ADCY9: variants seen among roughly 807,000 people sequenced by gnomAD.
The protein encoded by ADCY9 is adenylate cyclase type 9.
A neutral mutation model predicts 101.5 loss-of-function variants in ADCY9; 50 were observed. The observed-to-expected ratio is 0.49, with a 90% CI of 0.39 to 0.62. The LOEUF (loss-of-function observed/expected upper bound fraction) is 0.62, where lower values mean the gene tolerates loss of function less well. Ranked by LOEUF, ADCY9 falls within the 20% of genes least tolerant of loss-of-function variation. The pLI is 0.00. For missense variants in ADCY9, 1,662 were observed against 1,800.4 expected (o/e 0.92, Z 1.39); for synonymous variants, 905 against 769.3 (o/e 1.18, Z -2.92).
intron 6 of ADCY9, among the ~76,000 whole-genome samples, chr16:3,984,378 A>G (rs1041487272): frequency 3.3e-5 from 5 of 152,164 alleles, no homozygotes; most frequent in African/African-American, 4.8e-5. Context: ...GGGCCAGTAC[A>G]CTAGAGAGGC....
chr16:4,106,423 G>A (rs1381279950), intron 2 of ADCY9, among the ~76,000 whole-genome samples: 7 of 152,096 alleles, frequency 4.6e-5, no homozygotes, highest in South Asian at 4.2e-4. Flanking sequence ...ACCGGTGCCT[G>A]GCCACTTCCC....
chr16:3,972,693 C>T (rs2540034), intron 10 of ADCY9, among the ~76,000 whole-genome samples: 64,748 of 152,084 alleles, frequency 0.43, 15,955 homozygotes, highest in Non-Finnish European at 0.57. Context: ...ACCAGCCAAA[C>T]GTGGCTTCGG....
intron 2 of ADCY9, among the ~76,000 whole-genome samples, chr16:4,041,712 T>G (rs928637453): frequency 1.3e-5 from 2 of 151,520 alleles, no homozygotes; most frequent in Non-Finnish European, 2.9e-5. Flanking sequence ...TGATGATTCA[T>G]GAGTCTAAAC....
Position 3,965,957 on chromosome 16 carries a change from C to T in ADCY9, c.3880G>A (p.Gly1294Ser), listed in dbSNP as rs776569230. The stretch of plus-strand genomic sequence containing the variant: ...TTGGCCTGCGTGCTGCTGTCAGAAC[C>T]CAGAGATGTCTTGTCCACATACTGG... ...SVQYVDKTSL[G>S]SDSSTQAKDA... The change falls in exon 11 of 11, where the codon GGT becomes AGT. Residue 1294 changes from glycine (G) to serine (S), a missense_variant. Transcript: ENST00000294016. The T allele has an allele frequency of 1.9e-5, 30 of 1,614,058 alleles. No individual in the cohort carries two copies. The Admixed American group carries it at 4.8e-4, about 26-fold the overall frequency.
intron 2 of ADCY9, among the ~76,000 whole-genome samples, chr16:4,107,550 CAAAAAAAAAAAAAAAA>C (rs61565312): frequency 2.7e-5 from 2 of 72,844 alleles, no homozygotes; most frequent in Admixed American, 1.5e-4. Context: ...GACTCTGTCT[CAAAAAAAAAAAAAAAA>C]AAAAAAAAAA....
chr16:3,985,989 C>G (rs902359509), intron 6 of ADCY9, among the ~76,000 whole-genome samples: 4 of 136,134 alleles, frequency 2.9e-5, no homozygotes, highest in African/African-American at 1.1e-4. Context: ...TGGGCGAAAC[C>G]CAGGGACAGT....
At position 4,114,013 on chromosome 16, in the gene ADCY9, C is replaced by G; in HGVS notation, c.1430G>C (p.Cys477Ser). ...LGMIKAIEQF[C>S]QEKKEMVNMR... ...GTTCACCATCTCCTTCTTCTCCTGG[C>G]AGAACTGCTCGATGGCCTTGATCAT... The change falls in exon 2 of 11, where the codon TGC becomes TCC. Residue 477 changes from cysteine to serine, a missense_variant. Physicochemically the swap from Cys to Ser is moderately radical, Grantham distance 112. Around this residue, in one of 5 missense-constraint regions of ADCY9, gnomAD observed 228 missense variants for 301.1 expected, o/e 0.76. Transcript: ENST00000294016. The surrounding 1 kb of genome is among the most constrained non-coding windows in gnomAD (Gnocchi z 4.3). 1 of 1,613,832 alleles carries G rather than the reference C, an allele frequency of 6.2e-7. No individual in the cohort carries two copies. The highest frequency in any genetic ancestry group is 8.5e-7 in the Non-Finnish European group (1 of 1,180,044).
chr16:4,056,767 G>A (rs1053317267), intron 2 of ADCY9, among the ~76,000 whole-genome samples: 2 of 152,188 alleles, frequency 1.3e-5, no homozygotes, highest in Non-Finnish European at 2.9e-5. Context: ...CAACAAATAT[G>A]TGCTGTTGTT....
At chr16:3,972,200 A>G (rs1232255779) in intron 10 of ADCY9, among the ~76,000 whole-genome samples, 2 of 151,588 alleles carry the variant, frequency 1.3e-5, no homozygotes, top group Admixed American at 6.6e-5. Context: ...AATAGCAAAG[A>G]TCCACTTCAA....
At chr16:4,002,158 G>A (rs1157347778) in intron 3 of ADCY9, among the ~76,000 whole-genome samples, 1 of 152,208 alleles carries the variant, frequency 6.6e-6, no homozygotes, top group Non-Finnish European at 1.5e-5. Flanking sequence ...TCACAGGGAT[G>A]TGCAAGCATC....
At chr16:4,057,099 A>AT (rs1207284702) in intron 2 of ADCY9, among the ~76,000 whole-genome samples, 1 of 142,960 alleles carries the variant, frequency 7.0e-6, no homozygotes, top group African/African-American at 2.6e-5. Flanking sequence ...GGGTTTTGGC[A>AT]TAAAAAAAAC....
chr16:4,047,903 C>A (rs918010332), intron 2 of ADCY9, among the ~76,000 whole-genome samples: 4 of 152,190 alleles, frequency 2.6e-5, no homozygotes, highest in African/African-American at 9.7e-5. Context: ...TGCCCTGAAC[C>A]CTCCCTTACC....
At chr16:4,030,021 C>A (rs2056544309) in intron 2 of ADCY9, among the ~76,000 whole-genome samples, 1 of 152,164 alleles carries the variant, frequency 6.6e-6, no homozygotes, top group South Asian at 2.1e-4. Flanking sequence ...CCCACAGGAA[C>A]CCTCATACTC....
chr16:3,983,106 A>T (rs2056158192), intron 7 of ADCY9, 126 bp downstream of exon 7: 5 of 901,212 alleles, frequency 5.5e-6, no homozygotes, highest in Non-Finnish European at 8.2e-6. Flanking sequence ...ACGGGGACCC[A>T]TCTCCAGAAA....
rs199815830 is a variant in ADCY9 at position 4,113,715 on chromosome 16, G to A, written c.1693+35C>T. The A allele has an allele frequency of 1.2e-3, 1,960 of 1,587,770 alleles. 24 individuals are homozygous for A. Among genetic ancestry groups the A allele is most frequent in the South Asian group, 0.011 (955 of 87,994 alleles). ...TTTAATTTAATACAATCAGGATCAG[G>A]GAGGGGGGATGCCGAGGTAAAGCAG... On this transcript the variant is annotated intron_variant, in intron 2 of 10. Transcript: ENST00000294016.
At chr16:4,089,778 A>G (rs2141187841) in intron 2 of ADCY9, among the ~76,000 whole-genome samples, 1 of 152,058 alleles carries the variant, frequency 6.6e-6, no homozygotes, top group South Asian at 2.1e-4. Flanking sequence ...AGGTACTCCA[A>G]AATTTTCCAC....
At chr16:3,979,389 C>T (rs1197389393) in intron 7 of ADCY9, 114 bp from the exon 8 acceptor site, 2 of 1,281,726 alleles carry the variant, frequency 1.6e-6, no homozygotes, top group African/African-American at 2.9e-5. Context: ...CGTGTTGCCC[C>T]TGGGATGGGC....
intron 2 of ADCY9, among the ~76,000 whole-genome samples, chr16:4,012,475 C>CAA (rs35681254): frequency 0.67 from 93,124 of 138,936 alleles, 31,326 homozygotes; most frequent in Non-Finnish European, 0.73. Flanking sequence ...GCAGAAGGTC[C>CAA]AAAAAAAAAA....
At chr16:4,034,382 C>A (rs766807013) in intron 2 of ADCY9, among the ~76,000 whole-genome samples, 3 of 152,198 alleles carry the variant, frequency 2.0e-5, no homozygotes, top group Non-Finnish European at 4.4e-5. Context: ...ACCATGCTAA[C>A]CCTCTCCCCA....
Sources: gnomAD v4.1 joint callset for allele counts (sites outside exome capture counted in the v4.1 genomes callset) on GRCh38, gnomAD v4.1.1 for gene constraint, gnomAD v4.1.1 regional missense constraint, Gnocchi (gnomAD v3.1) non-coding constraint, MANE v1.5 for transcripts, NCBI Gene and HGNC (gene_info 2026-07-23, HGNC 2026-07-21) for gene names.